The following AFG1L variants were observed in gnomAD, a reference collection of about 807,000 sequenced individuals.
The protein encoded by AFG1L is AFG1 like ATPase, also known as AFG1-like ATPase.
Under a neutral mutation model 62.2 loss-of-function variants are expected in AFG1L, and 53 were observed. That is an observed-to-expected ratio of 0.85 (90% confidence interval 0.68 to 1.07). AFG1L has a LOEUF of 1.07. AFG1L is among the 50% of genes least tolerant of loss of function. The pLI is 0.00. For missense variants in AFG1L, 555 were observed against 590.5 expected, an observed-to-expected ratio of 0.94 and a Z score of 0.62; for synonymous variants, 228 against 210.3, an observed-to-expected ratio of 1.08 and a Z score of -0.73.
At chr6:108,432,081 T>C (rs1186133756) in intron 7 of AFG1L, among the ~76,000 whole-genome samples, 1 of 151,284 alleles carries the variant, frequency 6.6e-6, no homozygotes, top group African/African-American at 2.4e-5. Context: ...TCTAAGTACT[T>C]TGAAAATATT....
At position 108,373,760 on chromosome 6, in the gene AFG1L, AG is replaced by A. The variant is rs1448031291; in HGVS notation, c.748+7429del. On this transcript the variant is annotated intron_variant, in intron 6 of 12. Coordinates refer to ENST00000368977, the MANE Select transcript of AFG1L (RefSeq NM_145315.5). Reference sequence around the variant, plus strand: ...CCCGGCTAATTTTTGTAGTTTTAGTAGAAGATGGGGTTTCACCATATTGGCC... The same window carrying A: ...CCCGGCTAATTTTTGTAGTTTTAGTAAAGATGGGGTTTCACCATATTGGCC... Among the ~76,000 whole-genome samples, 4 of 9,528 alleles carry A rather than the reference AG, an allele frequency of 4.2e-4. No individual in the cohort carries two copies. In the Non-Finnish European group the frequency reaches 0.019, roughly 44 times the overall value. The allele number at this position is 9,528 out of a possible 152,430, so 6.3% of individuals were successfully genotyped here. A position where few individuals can be genotyped will look rare whatever the true frequency, so the allele number is the denominator to read the frequency against.
chr6:108,404,541 T>G (rs1781767820), intron 7 of AFG1L, among the ~76,000 whole-genome samples: 1 of 152,008 alleles, frequency 6.6e-6, no homozygotes, highest in Admixed American at 6.6e-5. Context: ...TTGTGTAGGT[T>G]TGTTAATTAT....
chr6:108,364,496 C>A (rs1009980202), intron 5 of AFG1L, among the ~76,000 whole-genome samples: 1 of 152,186 alleles, frequency 6.6e-6, no homozygotes, highest in Non-Finnish European at 1.5e-5. Context: ...AGCTATTTTA[C>A]ATTTTTTTCA....
At chr6:108,450,492 G>T (rs563110949) in intron 8 of AFG1L, among the ~76,000 whole-genome samples, 1 of 152,090 alleles carries the variant, frequency 6.6e-6, no homozygotes, top group East Asian at 1.9e-4. Context: ...GTAGATTCTG[G>T]GTATTAGCCC....
chr6:108,441,759 T>C (rs908774006), intron 7 of AFG1L, among the ~76,000 whole-genome samples: 69 of 150,776 alleles, frequency 4.6e-4, no homozygotes, highest in African/African-American at 1.7e-3. Flanking sequence ...TTTCAGACAA[T>C]TAAGTGCTAA....
chr6:108,413,092 C>CA (rs1188252629), intron 7 of AFG1L, among the ~76,000 whole-genome samples: 22 of 148,920 alleles, frequency 1.5e-4, no homozygotes, highest in Admixed American at 4.7e-4. Flanking sequence ...AAATGGAAAA[C>CA]AAAAAAAAAG....
chr6:108,348,392 A>C (rs1299066943), intron 3 of AFG1L, among the ~76,000 whole-genome samples: 1 of 152,188 alleles, frequency 6.6e-6, no homozygotes, highest in East Asian at 1.9e-4. Context: ...AAGTAGTTTT[A>C]ATGCCTTAAA....
chr6:108,453,672 C>T (rs1009500919), intron 8 of AFG1L, among the ~76,000 whole-genome samples: 3 of 152,202 alleles, frequency 2.0e-5, no homozygotes, highest in Admixed American at 6.5e-5. Flanking sequence ...ATTAATGAAA[C>T]TTAAAAACAT....
At chr6:108,331,787 G>A (rs905813727) in intron 2 of AFG1L, among the ~76,000 whole-genome samples, 1 of 152,160 alleles carries the variant, frequency 6.6e-6, no homozygotes, top group African/African-American at 2.4e-5. Flanking sequence ...ATTAAATAGA[G>A]TATGGAGCTA....
intron 7 of AFG1L, among the ~76,000 whole-genome samples, chr6:108,404,324 GTTC>G (rs916846050): frequency 4.6e-5 from 7 of 152,202 alleles, no homozygotes; most frequent in Non-Finnish European, 7.4e-5. Context: ...TTTAAAAAAT[GTTC>G]TTCTCTATAA....
intron 10 of AFG1L, among the ~76,000 whole-genome samples, chr6:108,481,756 A>T (rs1039589558): frequency 6.6e-6 from 1 of 152,208 alleles, no homozygotes; most frequent in Admixed American, 6.5e-5. Context: ...ACTATATCAA[A>T]TATGAAGGCT....
chr6:108,491,763 C>T (rs1773786711), intron 10 of AFG1L, among the ~76,000 whole-genome samples: 1 of 152,178 alleles, frequency 6.6e-6, no homozygotes, highest in Admixed American at 6.5e-5. Context: ...GATATTCAGT[C>T]TTGCCCTGAT....
chr6:108,458,257 T>G (rs1276687628), intron 8 of AFG1L, among the ~76,000 whole-genome samples: 1 of 152,154 alleles, frequency 6.6e-6, no homozygotes, highest in Non-Finnish European at 1.5e-5. Flanking sequence ...CCTCTTCAAT[T>G]TCTGGGACTC....
At chr6:108,453,462 A>G (rs986791773) in intron 8 of AFG1L, among the ~76,000 whole-genome samples, 5 of 152,202 alleles carry the variant, frequency 3.3e-5, no homozygotes, top group Non-Finnish European at 5.9e-5. Flanking sequence ...TTTGAACACC[A>G]TTTTTTAAAA....
At chr6:108,474,126 C>A (rs1382120187) in intron 8 of AFG1L, among the ~76,000 whole-genome samples, 1 of 152,166 alleles carries the variant, frequency 6.6e-6, no homozygotes, top group Non-Finnish European at 1.5e-5. Flanking sequence ...GAAGCGAGAA[C>A]ATGTAGTGTT....
Position 108,355,752 on chromosome 6 carries a change from AAAAGT to A in AFG1L, c.517_517+4del, listed in dbSNP as rs772492656. ...TCATGGTTTCATGCTAGATGTGCAC[AAAAGT>A]AAGCAATGATCTGAAAGAAGTGATT... On this transcript the variant is annotated splice_donor_variant and coding_sequence_variant, in exon 4 of 13. Coordinates refer to ENST00000368977, the MANE Select transcript of AFG1L (RefSeq NM_145315.5). LOFTEE classifies it high-confidence loss of function. 6.9e-6 allele frequency: 11 copies of A among 1,594,296 alleles called. No individual in the cohort carries two copies. The highest frequency in any genetic ancestry group is 9.4e-6 in the Non-Finnish European group (11 of 1,168,854).
At chr6:108,406,118 C>G (rs1295210859) in intron 7 of AFG1L, among the ~76,000 whole-genome samples, 2 of 152,052 alleles carry the variant, frequency 1.3e-5, no homozygotes, top group African/African-American at 2.4e-5. Context: ...TGTTTGAGTC[C>G]CTGCTTTCAA....
chr6:108,412,133 G>A (rs1326316326), intron 7 of AFG1L, among the ~76,000 whole-genome samples: 1 of 152,168 alleles, frequency 6.6e-6, no homozygotes, highest in Admixed American at 6.5e-5. Context: ...AGCTTCAATG[G>A]CCGATTTGAT....
chr6:108,452,139 T>A (rs1772081756), intron 8 of AFG1L, among the ~76,000 whole-genome samples: 1 of 152,230 alleles, frequency 6.6e-6, no homozygotes, highest in Admixed American at 6.5e-5. Context: ...GACAGTAATC[T>A]ATTTTGAATT....
Sources: gnomAD v4.1 joint callset for allele counts (sites outside exome capture counted in the v4.1 genomes callset) on GRCh38, gnomAD v4.1.1 for gene constraint, MANE v1.5 for transcripts, NCBI Gene and HGNC (gene_info 2026-07-23, HGNC 2026-07-21) for gene names.